Variants in SHTN1 observed in about 807,000 individuals in gnomAD.
The protein encoded by SHTN1 is shootin 1.
A neutral mutation model predicts 83.1 loss-of-function variants in SHTN1; 42 were observed. That is an observed-to-expected ratio of 0.51 (90% CI 0.39 to 0.65). The LOEUF is 0.65. Among genes scored for constraint, SHTN1 ranks in the 30% least tolerant of loss-of-function variants. SHTN1 has a pLI of 0.00. For missense variants in SHTN1, 622 were observed against 737.8 expected (o/e 0.84, Z 1.82); for synonymous variants, 224 against 247.7 (o/e 0.90, Z 0.90).
chr10:116,981,227 G>C (rs1479384191), intron 1 of SHTN1, among the ~76,000 whole-genome samples: 3 of 152,154 alleles, frequency 2.0e-5, no homozygotes, highest in Non-Finnish European at 1.5e-5. Context: ...GCTGAGGCAG[G>C]AGAATCGCGT....
intron 16 of SHTN1, among the ~76,000 whole-genome samples, chr10:116,893,318 A>T (rs139165820): frequency 1.3e-5 from 2 of 152,284 alleles, no homozygotes; most frequent in Non-Finnish European, 1.5e-5. Flanking sequence ...TTAATTGTCC[A>T]TGTACAGGCG....
At chr10:116,951,837 T>C in intron 6 of SHTN1, 72 bp downstream of exon 6, 2 of 797,234 alleles carry the variant, frequency 2.5e-6, no homozygotes, top group Non-Finnish European at 4.1e-6. Context: ...TAATATTAAG[T>C]TCTTAACTTA....
chr10:116,928,527 T>C (rs963795380), intron 10 of SHTN1, among the ~76,000 whole-genome samples: 1 of 152,220 alleles, frequency 6.6e-6, no homozygotes, highest in Non-Finnish European at 1.5e-5. Flanking sequence ...ACAGGAGACG[T>C]AACACCTGAC....
intron 16 of SHTN1, chr10:116,900,539 A>C: frequency 6.5e-7 from 1 of 1,533,986 alleles, no homozygotes; most frequent in Non-Finnish European, 8.7e-7. Context: ...GATTCAGATT[A>C]TCTGTGTAAA....
At chr10:116,969,575 T>C (rs1002271353) in intron 2 of SHTN1, among the ~76,000 whole-genome samples, 2 of 152,238 alleles carry the variant, frequency 1.3e-5, no homozygotes, top group South Asian at 2.1e-4. Flanking sequence ...GATAAAATAT[T>C]CCATACTAAG....
intron 2 of SHTN1, among the ~76,000 whole-genome samples, chr10:117,047,541 C>A (rs1267908672): frequency 1.3e-5 from 2 of 151,948 alleles, no homozygotes; most frequent in Non-Finnish European, 2.9e-5. Context: ...ACGATAATTG[C>A]GATACAGTTT....
chr10:117,060,981 G>C (rs926457824), intron 1 of SHTN1, among the ~76,000 whole-genome samples: 20 of 152,096 alleles, frequency 1.3e-4, no homozygotes, highest in African/African-American at 4.8e-4. Context: ...AACAATTAAT[G>C]CTGAACTAGT....
At chr10:117,122,370 G>C (rs971433759) in intron 1 of SHTN1, among the ~76,000 whole-genome samples, 2 of 152,168 alleles carry the variant, frequency 1.3e-5, no homozygotes, top group Admixed American at 6.5e-5. Context: ...GGTGGAGACA[G>C]AGTCTCATTT....
chr10:117,043,897 G>A (rs1456703487), intron 2 of SHTN1, among the ~76,000 whole-genome samples: 1 of 151,908 alleles, frequency 6.6e-6, no homozygotes, highest in Admixed American at 6.6e-5. Context: ...GGGGCTTTTA[G>A]GGGAAAATAA....
intron 2 of SHTN1, among the ~76,000 whole-genome samples, chr10:116,975,102 T>C (rs1220420777): frequency 2.0e-5 from 3 of 152,186 alleles, no homozygotes; most frequent in African/African-American, 7.2e-5. Flanking sequence ...CAAAAAATAA[T>C]GGAAACTAGC....
chr10:116,953,750 C>A (rs547887976), intron 5 of SHTN1, among the ~76,000 whole-genome samples: 1 of 151,752 alleles, frequency 6.6e-6, no homozygotes, highest in Non-Finnish European at 1.5e-5. Flanking sequence ...GCCTCAGCCT[C>A]CCAAGTAGCT....
intron 2 of SHTN1, chr10:116,974,001 A>G (rs1487440433): frequency 1.8e-6 from 2 of 1,114,706 alleles, no homozygotes; most frequent in African/African-American, 1.6e-5. Context: ...AATACAACAC[A>G]TTAAATCATT....
chr10:116,915,309 T>C lies in SHTN1; in HGVS notation c.1305+66A>G, dbSNP rs1207118087. ...GGGTCCTGATGCAGCTTTCATCAAA[T>C]TTCAAATTTATACATTTAAAAAAGG... On this transcript the variant is annotated intron_variant, in intron 13 of 16. Coordinates refer to ENST00000355371, the MANE Select transcript of SHTN1 (RefSeq NM_001127211.3). 4 of 897,964 alleles carry C rather than the reference T, an allele frequency of 4.5e-6. No individual in the cohort carries two copies. In the African/African-American group the frequency reaches 6.7e-5, roughly 15 times the overall value. 55.6% of individuals were successfully genotyped at this position (897,964 alleles called of 1,614,324 possible). A position where few individuals can be genotyped will look rare whatever the true frequency, so the allele number is the denominator to read the frequency against.
At chr10:117,004,060 T>C (rs919357857) in intron 1 of SHTN1, among the ~76,000 whole-genome samples, 1 of 152,016 alleles carries the variant, frequency 6.6e-6, no homozygotes, top group African/African-American at 2.4e-5. Flanking sequence ...GCTAATTTTG[T>C]ATTTTTAGTA....
Position 117,001,138 on chromosome 10 carries a change from A to G in SHTN1, c.58+3884T>C, listed in dbSNP as rs532567886. On this transcript the variant is annotated intron_variant, in intron 1 of 16. Transcript: ENST00000355371. ...CAAAGTTGCCATTTCTCGGTGCATTAAAGATGTCAATCAGTCCAATAAAAT... is the reference window on the plus strand; with the variant it reads ...CAAAGTTGCCATTTCTCGGTGCATTGAAGATGTCAATCAGTCCAATAAAAT... Among the ~76,000 whole-genome samples the G allele has an allele frequency of 5.9e-5, 9 of 152,264 alleles. No homozygotes were observed. The South Asian group carries it at 1.7e-3, about 28-fold the overall frequency.
intron 4 of SHTN1, among the ~76,000 whole-genome samples, chr10:116,956,849 C>A (rs1849998448): frequency 1.3e-5 from 2 of 152,100 alleles, no homozygotes; most frequent in African/African-American, 4.8e-5. Context: ...ATTTCATAAT[C>A]CTTCTCTGAA....
chr10:116,905,873 C>T (rs1222699472), intron 15 of SHTN1, among the ~76,000 whole-genome samples: 1 of 152,192 alleles, frequency 6.6e-6, no homozygotes, highest in African/African-American at 2.4e-5. Context: ...GATGAAACCA[C>T]TGAAGACACG....
At chr10:116,890,775 C>T (rs1847319276) in intron 16 of SHTN1, among the ~76,000 whole-genome samples, 1 of 152,228 alleles carries the variant, frequency 6.6e-6, no homozygotes. Context: ...AAAGGAAAGA[C>T]CTGACTCCAA....
intron 1 of SHTN1, among the ~76,000 whole-genome samples, chr10:117,083,422 C>T (rs1458863085): frequency 6.6e-6 from 1 of 150,866 alleles, no homozygotes; most frequent in East Asian, 1.9e-4. Context: ...GTCTGATGGG[C>T]TTCCCTTTGA....
Sources: allele counts gnomAD v4.1 joint callset (sites outside exome capture counted in the v4.1 genomes callset), GRCh38; gene constraint gnomAD v4.1.1; transcripts MANE v1.5; gene names NCBI Gene and HGNC (gene_info 2026-07-23, HGNC 2026-07-21).